The following CHAF1A variants were observed in gnomAD, a reference collection of about 807,000 sequenced individuals.
CHAF1A encodes the protein chromatin assembly factor 1 subunit A.
CHAF1A carries 5 observed loss-of-function variants against 93.2 expected under a neutral mutation model. That is an observed-to-expected ratio of 0.05 (90% CI 0.03 to 0.11). The LOEUF is 0.11. CHAF1A is among the 10% of genes least tolerant of loss of function. The pLI is 1.00. For missense variants in CHAF1A, 1,102 were observed against 1,259.9 expected (o/e 0.87, Z 1.90); for synonymous variants, 504 against 510.3 (o/e 0.99, Z 0.17).
downstream of CHAF1A, chr19:4,446,385 GCACGCTCAGCCGCTC>G (rs745444748): frequency 6.3e-7 from 1 of 1,577,040 alleles, no homozygotes; most frequent in Non-Finnish European, 8.6e-7. Context: ...TTGGTCCGCA[GCACGCTCAGCCGCTC>G]CACCGCCTCG....
downstream of CHAF1A, chr19:4,447,953 A>T: frequency 2.0e-6 from 1 of 496,200 alleles, no homozygotes; most frequent in Admixed American, 3.3e-5. Context: ...CAGTGCCAGC[A>T]GGGGGCTCCT....
At chr19:4,435,005 C>T (rs62130980) in intron 13 of CHAF1A, among the ~76,000 whole-genome samples, 4 of 151,616 alleles carry the variant, frequency 2.6e-5, no homozygotes, top group African/African-American at 4.8e-5. Context: ...GGCCATAGAT[C>T]GGCTTTGTTA....
chr19:4,423,968 A>G (rs1974036909), intron 7 of CHAF1A, 94 bp downstream of exon 7: 1 of 1,211,142 alleles, frequency 8.3e-7, no homozygotes, highest in Non-Finnish European at 1.2e-6. Context: ...AGCTTCTCTC[A>G]TTAGGAGGGA....
chr19:4,443,646 A>G (rs1263527060), downstream of CHAF1A, among the ~76,000 whole-genome samples: 1 of 152,114 alleles, frequency 6.6e-6, no homozygotes, highest in African/African-American at 2.4e-5. Flanking sequence ...GGGTGTTCCC[A>G]GAGACCTGCT....
chr19:4,448,467 G>T, downstream of CHAF1A: 1 of 1,427,242 alleles, frequency 7.0e-7, no homozygotes, highest in Non-Finnish European at 9.7e-7. Flanking sequence ...GGGCCGCACG[G>T]CCCTCCGCTG....
intron 3 of CHAF1A, among the ~76,000 whole-genome samples, chr19:4,412,859 G>A (rs1166037532): frequency 8.5e-5 from 13 of 152,278 alleles, no homozygotes; most frequent in African/African-American, 2.2e-4. Context: ...GGCAGAAAGC[G>A]GCCACAACCA....
chr19:4,428,951 C>A, intron 8 of CHAF1A, 61 bp downstream of exon 8: 1 of 1,424,466 alleles, frequency 7.0e-7, no homozygotes, highest in Non-Finnish European at 9.8e-7. Context: ...GCATCCTGAA[C>A]CCTGGGGTCC....
intron 13 of CHAF1A, among the ~76,000 whole-genome samples, chr19:4,441,810 A>G (rs1467810680): frequency 6.6e-6 from 1 of 152,138 alleles, no homozygotes; most frequent in African/African-American, 2.4e-5. Flanking sequence ...AGGCAGGAGA[A>G]TGGCGTGAAT....
Position 4,409,198 on chromosome 19 carries a change from C to G in CHAF1A, c.399C>G (p.His133Gln). The change falls in exon 3 of 15, where the codon CAC becomes CAG. Residue 133 changes from histidine to glutamine, a missense_variant. His to Gln is a conservative substitution (Grantham distance 24). Around this residue, in one of 6 missense-constraint regions of CHAF1A, gnomAD observed 379 missense variants for 365.7 expected, o/e 1.04. Transcript: ENST00000301280. ...SNEQPDSLVD[H>Q]NKLNSEASPS... The stretch of plus-strand genomic sequence containing the variant: ...AGCAGCCAGACAGTCTTGTGGACCA[C>G]AATAAACTAAATTCTGAAGCCTCTC... 6.2e-7 allele frequency: 1 copy of G among 1,614,154 alleles called. No individual in the cohort carries two copies. Among genetic ancestry groups the G allele is most frequent in the Non-Finnish European group, 8.5e-7 (1 of 1,180,030 alleles).
chr19:4,445,586 G>A (rs146350492), downstream of CHAF1A: 3 of 1,613,720 alleles, frequency 1.9e-6, no homozygotes, highest in South Asian at 3.3e-5. Context: ...CTCCAGCACA[G>A]CCATGTCCCA....
intron 1 of CHAF1A, among the ~76,000 whole-genome samples, chr19:4,405,293 AAGACATGACAG>A (rs1973659381): frequency 6.6e-6 from 1 of 152,186 alleles, no homozygotes; most frequent in South Asian, 2.1e-4. Context: ...AAAATAAAAC[AAGACATGACAG>A]TGTCTAGGGT....
chr19:4,412,825 G>T (rs893651366), intron 3 of CHAF1A, among the ~76,000 whole-genome samples: 4 of 152,188 alleles, frequency 2.6e-5, no homozygotes, highest in African/African-American at 9.7e-5. Context: ...AGTGGTAAAG[G>T]CTTCAGGCTG....
At chr19:4,446,091 C>T (rs1974507757), downstream of CHAF1A, 1 of 1,612,700 alleles carries the variant, frequency 6.2e-7, no homozygotes, top group Admixed American at 1.7e-5. Context: ...CCTCGGACAG[C>T]TTCTGCCCTC....
At chr19:4,436,499 C>A (rs527973017) in intron 13 of CHAF1A, among the ~76,000 whole-genome samples, 1 of 152,332 alleles carries the variant, frequency 6.6e-6, no homozygotes, top group South Asian at 2.1e-4. Context: ...TTTGTTCAAG[C>A]CCTGTGTGAG....
In CHAF1A at chr19:4,409,187, C is replaced by G. The variant is rs141725942; in HGVS notation, c.388C>G (p.Leu130Val). 1.9e-6 allele frequency: 3 copies of G among 1,614,100 alleles called. No individual in the cohort carries two copies. The highest frequency in any genetic ancestry group is 2.5e-6 in the Non-Finnish European group (3 of 1,180,052). Residue 130 changes from leucine (L) to valine (V), a missense_variant, in exon 3 of 15, where the codon CTT becomes GTT. Around this residue, in one of 6 missense-constraint regions of CHAF1A, gnomAD observed 379 missense variants for 365.7 expected, o/e 1.04. Transcript: ENST00000301280. ...TEDSNEQPDSLVDHNKLNSEA... is the reference protein window; with the variant it reads ...TEDSNEQPDSVVDHNKLNSEA... ...GGACTCGAATGAGCAGCCAGACAGT[C>G]TTGTGGACCACAATAAACTAAATTC...
chr19:4,403,948 TAGCTGGGATTAC>T (rs1316649508), intron 1 of CHAF1A, among the ~76,000 whole-genome samples: 1 of 152,314 alleles, frequency 6.6e-6, no homozygotes, highest in Non-Finnish European at 1.5e-5. Flanking sequence ...GCCTCCCAAG[TAGCTGGGATTAC>T]AGGCCTGCAC....
chr19:4,408,712 A>T (rs1479136376), intron 2 of CHAF1A, among the ~76,000 whole-genome samples, 191 bp from the exon 3 acceptor site: 2 of 151,284 alleles, frequency 1.3e-5, no homozygotes, highest in Non-Finnish European at 2.9e-5. Flanking sequence ...TGACCTTGTG[A>T]TCTGCTTGCC....
In CHAF1A at chr19:4,429,566, C is replaced by T. The variant is rs748820542; in HGVS notation, c.1733C>T (p.Thr578Met). Reference sequence around the variant, plus strand: ...TACTGGGGTACCTGGAATAAGAAGACGGCACTCATCCGCGCGCGAGACCCC... The same window carrying T: ...TACTGGGGTACCTGGAATAAGAAGATGGCACTCATCCGCGCGCGAGACCCC... ...PAYWGTWNKKTALIRARDPWA... is the reference protein window; with the variant it reads ...PAYWGTWNKKMALIRARDPWA... The change falls in exon 9 of 15, where the codon ACG becomes ATG. Residue 578 changes from threonine to methionine, a missense_variant. Physicochemically the swap from Thr to Met is moderately conservative, Grantham distance 81. Coordinates refer to ENST00000301280, the MANE Select transcript of CHAF1A (RefSeq NM_005483.3). The T allele has an allele frequency of 3.7e-6, 6 of 1,613,926 alleles. No homozygotes were observed. The highest frequency in any genetic ancestry group is 3.4e-6 in the Non-Finnish European group (4 of 1,179,998).
chr19:4,438,643 G>T (rs1259992983), intron 13 of CHAF1A, among the ~76,000 whole-genome samples: 2 of 152,192 alleles, frequency 1.3e-5, no homozygotes, highest in Non-Finnish European at 2.9e-5. Context: ...AAGGAAGGAT[G>T]TGTTTGCCCT....
Sources: gnomAD v4.1 joint callset for allele counts (sites outside exome capture counted in the v4.1 genomes callset) on GRCh38, gnomAD v4.1.1 for gene constraint, gnomAD v4.1.1 regional missense constraint, MANE v1.5 for transcripts, NCBI Gene and HGNC (gene_info 2026-07-23, HGNC 2026-07-21) for gene names.